Variants in AGBL4 observed in about 807,000 individuals in gnomAD.
AGBL4 encodes the protein AGBL carboxypeptidase 4, also known as cytosolic carboxypeptidase 6.
A neutral mutation model predicts 66.4 loss-of-function variants in AGBL4; 58 were observed. The observed-to-expected ratio is 0.87, with a 90% CI of 0.71 to 1.09. The LOEUF (loss-of-function observed/expected upper bound fraction) is 1.09, where lower values mean the gene tolerates loss of function less well. Among genes scored for constraint, AGBL4 ranks in the 50% least tolerant of loss-of-function variants. The probability of loss-of-function intolerance (pLI) is 0.00; values close to 1 mark genes in which losing one functional copy is unlikely to be tolerated. For synonymous variants in AGBL4, 234 were observed against 222.9 expected (o/e 1.05, Z -0.44); for missense variants, 579 against 631.0 (o/e 0.92, Z 0.88).
chr1:49,884,007 G>A (rs547383455), intron 1 of AGBL4, among the ~76,000 whole-genome samples: 1 of 152,054 alleles, frequency 6.6e-6, no homozygotes, highest in African/African-American at 2.4e-5. Context: ...ACAAAATAAG[G>A]TGGCAGAGTT....
chr1:48,627,066 A>G (rs11205518), intron 9 of AGBL4, among the ~76,000 whole-genome samples: 1 of 151,540 alleles, frequency 6.6e-6, no homozygotes, highest in Non-Finnish European at 1.5e-5. Flanking sequence ...AAGTGGGTTT[A>G]CTCCTTCCAC....
At chr1:48,622,969 G>A (rs1259429152) in intron 9 of AGBL4, among the ~76,000 whole-genome samples, 1 of 152,160 alleles carries the variant, frequency 6.6e-6, no homozygotes, top group Admixed American at 6.6e-5. Context: ...TTGAGTCAAC[G>A]TTGAATTGAG....
intron 4 of AGBL4, among the ~76,000 whole-genome samples, chr1:49,078,000 C>T (rs1644742111): frequency 6.6e-6 from 1 of 152,032 alleles, no homozygotes; most frequent in African/African-American, 2.4e-5. Context: ...AATGAAAAAC[C>T]AGGTTTGAAG....
intron 5 of AGBL4, among the ~76,000 whole-genome samples, chr1:48,999,957 G>T (rs1363782134): frequency 6.6e-6 from 1 of 152,020 alleles, no homozygotes; most frequent in Non-Finnish European, 1.5e-5. Flanking sequence ...CTCAGTCTTT[G>T]TAGATGGTGT....
intron 6 of AGBL4, among the ~76,000 whole-genome samples, chr1:48,800,576 G>C (rs908688054): frequency 6.6e-6 from 1 of 152,168 alleles, no homozygotes; most frequent in African/African-American, 2.4e-5. Flanking sequence ...CTTGAGGTGT[G>C]TGGTTAGATT....
intron 1 of AGBL4, among the ~76,000 whole-genome samples, chr1:49,932,815 C>T (rs1413402155): frequency 6.6e-5 from 10 of 152,040 alleles, no homozygotes; most frequent in East Asian, 1.9e-4. Flanking sequence ...AGTCGTCTGA[C>T]GAAGCCCACT....
intron 2 of AGBL4, among the ~76,000 whole-genome samples, chr1:49,764,805 T>C (rs1652614721): frequency 6.6e-6 from 1 of 152,180 alleles, no homozygotes; most frequent in African/African-American, 2.4e-5. Flanking sequence ...GTTGAGGTTA[T>C]GCCCTTAAAC....
intron 4 of AGBL4, among the ~76,000 whole-genome samples, chr1:49,134,861 G>C (rs548671403): frequency 7.2e-5 from 11 of 152,166 alleles, no homozygotes; most frequent in Admixed American, 4.6e-4. Context: ...TTGGGGAAGT[G>C]ATAAATGTCC....
chr1:49,094,382 G>T (rs1419865955), intron 4 of AGBL4, among the ~76,000 whole-genome samples: 1 of 151,930 alleles, frequency 6.6e-6, no homozygotes, highest in Non-Finnish European at 1.5e-5. Context: ...AATCACAAGG[G>T]TTCTTTTAAG....
intron 3 of AGBL4, among the ~76,000 whole-genome samples, chr1:49,309,806 A>G (rs1392705633): frequency 3.3e-5 from 5 of 152,132 alleles, no homozygotes; most frequent in Admixed American, 6.6e-5. Flanking sequence ...AAACAAATGC[A>G]TTACCAAAGT....
At chr1:49,361,943 T>C (rs1337548976) in intron 3 of AGBL4, among the ~76,000 whole-genome samples, 2 of 152,326 alleles carry the variant, frequency 1.3e-5, no homozygotes, top group African/African-American at 2.4e-5. Context: ...ATAATAGGTA[T>C]CTCAAATCTA....
intron 3 of AGBL4, among the ~76,000 whole-genome samples, chr1:49,444,134 A>G (rs1325524694): frequency 6.6e-6 from 1 of 151,994 alleles, no homozygotes; most frequent in East Asian, 1.9e-4. Flanking sequence ...ACTTGATATG[A>G]TCTCAATGAT....
intron 6 of AGBL4, among the ~76,000 whole-genome samples, chr1:48,764,453 C>T (rs1365171440): frequency 6.6e-6 from 1 of 151,674 alleles, no homozygotes; most frequent in Non-Finnish European, 1.5e-5. Context: ...CTGGACTACA[C>T]AAGAGGGGTA....
chr1:49,956,288 A>G (rs1416013816), intron 1 of AGBL4, among the ~76,000 whole-genome samples: 1 of 151,910 alleles, frequency 6.6e-6, no homozygotes, highest in Non-Finnish European at 1.5e-5. Context: ...AATATGCTGA[A>G]GAACACAGCT....
At chr1:49,505,738 CT>C (rs927962500) in intron 3 of AGBL4, among the ~76,000 whole-genome samples, 1 of 151,738 alleles carries the variant, frequency 6.6e-6, no homozygotes, top group African/African-American at 2.4e-5. Flanking sequence ...TGCTTGTAGA[CT>C]TTTTTCTTTT....
At chr1:49,680,604 T>C (rs879887070) in intron 3 of AGBL4, among the ~76,000 whole-genome samples, 2 of 152,142 alleles carry the variant, frequency 1.3e-5, no homozygotes, top group Non-Finnish European at 2.9e-5. Flanking sequence ...CAAATTTTTT[T>C]CTCTATAAGT....
chr1:49,523,208 A>C (rs1650402583), intron 3 of AGBL4, among the ~76,000 whole-genome samples: 1 of 152,074 alleles, frequency 6.6e-6, no homozygotes, highest in South Asian at 2.1e-4. Flanking sequence ...GTGCAAGAAA[A>C]GGTTATCTGT....
chr1:49,574,845 A>T (rs1644403619), intron 3 of AGBL4, among the ~76,000 whole-genome samples: 1 of 151,868 alleles, frequency 6.6e-6, no homozygotes, highest in African/African-American at 2.4e-5. Context: ...AATTGATAGG[A>T]CGCCTACTGC....
intron 3 of AGBL4, among the ~76,000 whole-genome samples, chr1:49,513,198 T>C (rs1649437302): frequency 6.6e-6 from 1 of 152,078 alleles, no homozygotes; most frequent in Non-Finnish European, 1.5e-5. Flanking sequence ...CATGCCAGAA[T>C]GAATATTTCT....
Sources: allele counts gnomAD v4.1 joint callset (sites outside exome capture counted in the v4.1 genomes callset), GRCh38; gene constraint gnomAD v4.1.1; transcripts MANE v1.5; gene names NCBI Gene and HGNC (gene_info 2026-07-23, HGNC 2026-07-21).